HDAC4: variants seen among roughly 807,000 people sequenced by gnomAD.
The protein encoded by HDAC4 is histone deacetylase 4.
Under a neutral mutation model 135.1 loss-of-function variants are expected in HDAC4, and 16 were observed. That is an observed-to-expected ratio of 0.12 (90% confidence interval 0.08 to 0.18). The LOEUF (loss-of-function observed/expected upper bound fraction) is 0.18. Ranked by LOEUF, HDAC4 falls within the 10% of genes least tolerant of loss-of-function variation. The pLI is 1.00. For missense variants in HDAC4, 1,143 were observed against 1,511.8 expected, an observed-to-expected ratio of 0.76 and a Z score of 4.05; for synonymous variants, 685 against 653.4, an observed-to-expected ratio of 1.05 and a Z score of -0.74.
intron 24 of HDAC4, among the ~76,000 whole-genome samples, chr2:239,056,696 C>G (rs2031904824): frequency 6.6e-6 from 1 of 152,226 alleles, no homozygotes; most frequent in South Asian, 2.1e-4. Flanking sequence ...ACTCTGTCCC[C>G]CTGAGTGTGC....
chr2:239,261,412 T>A (rs909421323), intron 2 of HDAC4, among the ~76,000 whole-genome samples: 37 of 152,138 alleles, frequency 2.4e-4, no homozygotes, highest in African/African-American at 8.7e-4. Flanking sequence ...CCAGCCAGGC[T>A]CTGCACAGAC....
At chr2:239,076,624 C>T (rs975855812) in intron 22 of HDAC4, among the ~76,000 whole-genome samples, 5 of 152,180 alleles carry the variant, frequency 3.3e-5, no homozygotes, top group Admixed American at 1.3e-4. Context: ...CTGGGGACTC[C>T]GTGGGAACTG....
chr2:239,053,228 C>T (rs1443027547), intron 26 of HDAC4, 92 bp from the exon 27 acceptor site: 2 of 1,503,132 alleles, frequency 1.3e-6, no homozygotes, highest in Non-Finnish European at 1.8e-6. Context: ...CTGTGTGCTG[C>T]CCCACCCGCC....
At chr2:239,321,319 G>T (rs4852046) in intron 2 of HDAC4, among the ~76,000 whole-genome samples, 49 of 151,932 alleles carry the variant, frequency 3.2e-4, no homozygotes, top group Non-Finnish European at 1.9e-4. Flanking sequence ...CAAAAAATTA[G>T]CCGGGCGTGG....
chr2:239,373,530 G>A (rs914759647), intron 1 of HDAC4, among the ~76,000 whole-genome samples: 14 of 152,230 alleles, frequency 9.2e-5, no homozygotes, highest in Admixed American at 7.8e-4. Context: ...GTGCGGTGGT[G>A]TGATCTCGGC....
At chr2:239,128,750 G>A (rs1014812914) in intron 11 of HDAC4, among the ~76,000 whole-genome samples, 1 of 152,224 alleles carries the variant, frequency 6.6e-6, no homozygotes, top group African/African-American at 2.4e-5. Flanking sequence ...AAGCCTCAGT[G>A]TGCACACCAT....
chr2:239,055,200 A>G (rs559908572), intron 24 of HDAC4: 1 of 303,400 alleles, frequency 3.3e-6, no homozygotes, highest in Non-Finnish European at 6.4e-6. Flanking sequence ...TTTGTCTTTT[A>G]TTAATAAGTA....
chr2:239,127,251 C>T (rs531267827), intron 11 of HDAC4, among the ~76,000 whole-genome samples: 1 of 152,182 alleles, frequency 6.6e-6, no homozygotes, highest in Non-Finnish European at 1.5e-5. Context: ...TTAAAAAGTC[C>T]TTATGCATAT....
chr2:239,119,469 G>A (rs1354296347), intron 12 of HDAC4, among the ~76,000 whole-genome samples: 1 of 152,102 alleles, frequency 6.6e-6, no homozygotes, highest in Non-Finnish European at 1.5e-5. Flanking sequence ...AGGAGCTCAG[G>A]GCTAAGGGTG....
At chr2:239,355,238 A>G (rs557744156) in intron 1 of HDAC4, among the ~76,000 whole-genome samples, 2 of 152,278 alleles carry the variant, frequency 1.3e-5, no homozygotes, top group Non-Finnish European at 2.9e-5. Flanking sequence ...GTCACTGATT[A>G]TTATTTTTGT....
chr2:239,364,935 A>T (rs1302774418), intron 1 of HDAC4, among the ~76,000 whole-genome samples: 1 of 151,986 alleles, frequency 6.6e-6, no homozygotes, highest in Non-Finnish European at 1.5e-5. Context: ...GAGGGTGCAA[A>T]CACAGGGTGC....
intron 2 of HDAC4, among the ~76,000 whole-genome samples, chr2:239,268,732 C>T (rs910492098): frequency 1.3e-4 from 20 of 152,152 alleles, no homozygotes; most frequent in African/African-American, 2.2e-4. Flanking sequence ...CCCAGGAAAC[C>T]GCAGAGATCC....
intron 9 of HDAC4, among the ~76,000 whole-genome samples, chr2:239,134,941 G>A (rs1380797034): frequency 2.0e-5 from 3 of 152,178 alleles, no homozygotes; most frequent in African/African-American, 7.2e-5. Context: ...ACAGTTAGAA[G>A]GAAATCTAGG....
At chr2:239,106,056 T>A (rs1393560611) in intron 15 of HDAC4, among the ~76,000 whole-genome samples, 2 of 152,172 alleles carry the variant, frequency 1.3e-5, no homozygotes, top group Non-Finnish European at 2.9e-5. Context: ...CTCCTCTCCC[T>A]GAGATCCTGC....
chr2:239,363,431 G>A (rs1693982734), intron 1 of HDAC4, among the ~76,000 whole-genome samples: 1 of 152,234 alleles, frequency 6.6e-6, no homozygotes, highest in Non-Finnish European at 1.5e-5. Context: ...GAATATGCTA[G>A]AATGAGACCA....
At position 239,099,422 on chromosome 2, in the gene HDAC4, G is replaced by A. The variant is rs369390422; in HGVS notation, c.2233+3354C>T. Among the ~76,000 whole-genome samples, 24 of 152,334 alleles carry A rather than the reference G, an allele frequency of 1.6e-4. No homozygotes were observed. The East Asian group carries it at 4.4e-3, about 28-fold the overall frequency. ...TGAAGCCCCTGCTGTGGCAGCCCCG[G>A]TGACATCGAGGCAAAGATCTTGTCC... is the stretch of plus-strand genomic sequence containing the variant. On this transcript the variant is annotated intron_variant, in intron 16 of 26. Transcript: ENST00000543185.
chr2:239,056,601 G>C (rs372587601), intron 24 of HDAC4, among the ~76,000 whole-genome samples: 10 of 152,224 alleles, frequency 6.6e-5, no homozygotes, highest in African/African-American at 2.2e-4. Context: ...TACACACACA[G>C]GGGAGCAGAG....
At chr2:239,317,822 G>A (rs938639066) in intron 2 of HDAC4, among the ~76,000 whole-genome samples, 6 of 152,126 alleles carry the variant, frequency 3.9e-5, no homozygotes, top group Admixed American at 2.6e-4. Context: ...CTATAACACT[G>A]GTGCACTGGT....
intron 1 of HDAC4, among the ~76,000 whole-genome samples, chr2:239,378,677 CGGG>C (rs1559396190): frequency 4.7e-5 from 6 of 127,082 alleles, no homozygotes; most frequent in Non-Finnish European, 1.1e-4. Context: ...CCAATGACCC[CGGG>C]AACCAATGAA....
Sources: allele counts gnomAD v4.1 joint callset (sites outside exome capture counted in the v4.1 genomes callset), GRCh38; gene constraint gnomAD v4.1.1; transcripts MANE v1.5; gene names NCBI Gene and HGNC (gene_info 2026-07-23, HGNC 2026-07-21).